Variants in FAM193A observed in about 807,000 individuals in gnomAD.
FAM193A encodes family with sequence similarity 193 member A, also known as protein FAM193A.
In FAM193A, 22 loss-of-function variants were observed where a neutral mutation model predicts 126.5. That is an observed-to-expected ratio of 0.17 (90% CI 0.12 to 0.25). The LOEUF (loss-of-function observed/expected upper bound fraction) is 0.25. Ranked by LOEUF, FAM193A falls within the 10% of genes least tolerant of loss-of-function variation. The pLI is 1.00. For synonymous variants in FAM193A, 761 were observed against 646.8 expected (o/e 1.18, Z -2.68); for missense variants, 1,675 against 1,672.8 (o/e 1.00, Z -0.02).
intron 1 of FAM193A, among the ~76,000 whole-genome samples, chr4:2,586,713 G>T (rs924898095): frequency 6.6e-6 from 1 of 152,182 alleles, no homozygotes; most frequent in Non-Finnish European, 1.5e-5. Flanking sequence ...GAATGCAGTG[G>T]CAGGAGGATG....
At chr4:2,711,052 C>T (rs1335812676) in intron 19 of FAM193A, among the ~76,000 whole-genome samples, 2 of 150,856 alleles carry the variant, frequency 1.3e-5, no homozygotes, top group Non-Finnish European at 3.0e-5. Flanking sequence ...CGGGGTTTCA[C>T]CATGTTAGCC....
At chr4:2,723,130 C>T (rs190603940) in intron 20 of FAM193A, among the ~76,000 whole-genome samples, 11 of 151,978 alleles carry the variant, frequency 7.2e-5, no homozygotes, top group Non-Finnish European at 1.0e-4. Context: ...AAAAATTAGC[C>T]GGGTGTGGTG....
chr4:2,650,711 G>T (rs1745575141), intron 7 of FAM193A, among the ~76,000 whole-genome samples: 1 of 152,184 alleles, frequency 6.6e-6, no homozygotes, highest in African/African-American at 2.4e-5. Flanking sequence ...AACATGAGCT[G>T]CAGTCAAGTT....
chr4:2,662,037 G>T (rs1427273355), intron 10 of FAM193A, among the ~76,000 whole-genome samples: 1 of 152,056 alleles, frequency 6.6e-6, no homozygotes, highest in African/African-American at 2.4e-5. Context: ...CAAAAAATCA[G>T]CCGGGCGTGG....
chr4:2,591,993 C>T (rs1329662127), intron 1 of FAM193A, among the ~76,000 whole-genome samples: 1 of 152,106 alleles, frequency 6.6e-6, no homozygotes, highest in Non-Finnish European at 1.5e-5. Context: ...TGGTCCCTTA[C>T]ATGGATATAT....
intron 7 of FAM193A, among the ~76,000 whole-genome samples, chr4:2,653,475 C>T (rs953804248): frequency 6.6e-6 from 1 of 152,100 alleles, no homozygotes; most frequent in Non-Finnish European, 1.5e-5. Flanking sequence ...GACAGAGTCT[C>T]TCTCTGTCAC....
intron 2 of FAM193A, among the ~76,000 whole-genome samples, chr4:2,621,148 G>A (rs928066968): frequency 6.6e-6 from 1 of 152,158 alleles, no homozygotes; most frequent in Non-Finnish European, 1.5e-5. Flanking sequence ...AGAGCAAGAT[G>A]AGAAAAGCAC....
chr4:2,726,561 T>G (rs780709130), intron 20 of FAM193A, among the ~76,000 whole-genome samples: 2 of 152,086 alleles, frequency 1.3e-5, no homozygotes, highest in Admixed American at 6.6e-5. Context: ...TCTTTTTTTT[T>G]GGCCTAAATT....
intron 1 of FAM193A, among the ~76,000 whole-genome samples, chr4:2,574,199 G>A (rs1739451488): frequency 6.6e-6 from 1 of 151,502 alleles, no homozygotes; most frequent in African/African-American, 2.4e-5. Context: ...GTCTGATGGG[G>A]GCATGTGCTG....
At chr4:2,597,739 TA>T (rs1210173761) in intron 2 of FAM193A, among the ~76,000 whole-genome samples, 2 of 152,194 alleles carry the variant, frequency 1.3e-5, no homozygotes, top group African/African-American at 4.8e-5. Flanking sequence ...AGCTGGCCTT[TA>T]AAAAAATAAC....
chr4:2,709,619 G>A (rs1311260633), intron 19 of FAM193A, among the ~76,000 whole-genome samples: 1 of 152,184 alleles, frequency 6.6e-6, no homozygotes, highest in African/African-American at 2.4e-5. Context: ...TGAGGCAGGA[G>A]AATAGCTTGA....
chr4:2,606,286 G>A (rs1336158984), intron 2 of FAM193A, among the ~76,000 whole-genome samples: 1 of 151,878 alleles, frequency 6.6e-6, no homozygotes, highest in South Asian at 2.1e-4. Context: ...TACTGACCTC[G>A]TGATCCACCC....
At chr4:2,706,557 A>G (rs1028083904) in intron 19 of FAM193A, among the ~76,000 whole-genome samples, 2 of 151,902 alleles carry the variant, frequency 1.3e-5, no homozygotes, top group Admixed American at 1.3e-4. Flanking sequence ...TGGCCTCCCA[A>G]AGTCCTGGGA....
intron 1 of FAM193A, among the ~76,000 whole-genome samples, chr4:2,570,461 TCTC>T (rs2108857511): frequency 6.6e-6 from 1 of 152,170 alleles, no homozygotes; most frequent in East Asian, 1.9e-4. Context: ...ATAAACCAAA[TCTC>T]CTTATGTTTT....
At chr4:2,619,526 G>GTATTTTTAGTAGAGA (rs1742413665) in intron 2 of FAM193A, among the ~76,000 whole-genome samples, 4 of 151,712 alleles carry the variant, frequency 2.6e-5, no homozygotes, top group African/African-American at 9.7e-5. Flanking sequence ...TTTAGTAGAG[G>GTATTTTTAGTAGAGA]TGGGGTAATT....
chr4:2,587,198 C>T (rs549623779), intron 1 of FAM193A, among the ~76,000 whole-genome samples: 37 of 152,204 alleles, frequency 2.4e-4, no homozygotes, highest in South Asian at 6.2e-4. Flanking sequence ...TTTCCACTTA[C>T]GGCACAAGGT....
intron 6 of FAM193A, among the ~76,000 whole-genome samples, chr4:2,640,793 C>T (rs1176364169): frequency 1.3e-4 from 19 of 151,998 alleles, no homozygotes; most frequent in African/African-American, 3.9e-4. Context: ...GGTAAAACCC[C>T]GTCTCTACTA....
intron 12 of FAM193A, among the ~76,000 whole-genome samples, chr4:2,669,624 A>C (rs1228492756): frequency 6.6e-6 from 1 of 151,614 alleles, no homozygotes; most frequent in Non-Finnish European, 1.5e-5. Context: ...AAATAAATAA[A>C]TAATAAATAG....
chr4:2,582,823 T>C (rs542435874), intron 1 of FAM193A, among the ~76,000 whole-genome samples: 1 of 152,272 alleles, frequency 6.6e-6, no homozygotes, highest in African/African-American at 2.4e-5. Context: ...TAAGTCTTCT[T>C]TCTTTGTTGT....
Sources: allele counts gnomAD v4.1 joint callset (sites outside exome capture counted in the v4.1 genomes callset), GRCh38; gene constraint gnomAD v4.1.1; transcripts MANE v1.5; gene names NCBI Gene and HGNC (gene_info 2026-07-23, HGNC 2026-07-21).